The following TMC5 variants were observed in gnomAD, a reference collection of about 807,000 sequenced individuals.
TMC5 encodes transmembrane channel like 5.
TMC5 carries 86 observed loss-of-function variants against 110.5 expected under a neutral mutation model. The ratio of observed to expected loss-of-function variants is 0.78; its 90% CI spans 0.65 to 0.93. TMC5 has a LOEUF of 0.93. Ranked by LOEUF, TMC5 falls within the 40% of genes least tolerant of loss-of-function variation. The probability of loss-of-function intolerance (pLI) is 0.00; values close to 1 mark genes in which losing one functional copy is unlikely to be tolerated. For synonymous variants in TMC5, 455 were observed against 439.5 expected (o/e 1.04, Z -0.44); for missense variants, 1,144 against 1,222.8 (o/e 0.94, Z 0.96).
intron 4 of TMC5, 119 bp downstream of exon 4, chr16:19,444,369 A>G: frequency 1.1e-6 from 1 of 896,980 alleles, no homozygotes; most frequent in Non-Finnish European, 1.7e-6. Context: ...CCAATCTCAG[A>G]GACCCTTGTT....
chr16:19,458,180 A>G (rs941733465), intron 5 of TMC5, among the ~76,000 whole-genome samples: 13 of 152,082 alleles, frequency 8.5e-5, no homozygotes, highest in Non-Finnish European at 1.2e-4. Context: ...CCTGAGGCCA[A>G]TGGAGATGCT....
chr16:19,439,927 A>T, intron 2 of TMC5, 33 bp from the exon 3 acceptor site: 1 of 959,996 alleles, frequency 1.0e-6, no homozygotes, highest in Non-Finnish European at 1.6e-6. Context: ...AAGGGAAAAA[A>T]ATCTGACTTT....
chr16:19,474,003 GATAA>G (rs1353975060), intron 11 of TMC5, 118 bp from the exon 12 acceptor site: 1 of 921,134 alleles, frequency 1.1e-6, no homozygotes, highest in Non-Finnish European at 1.6e-6. Flanking sequence ...TAAATAAATA[GATAA>G]ATAGTTAACC....
At chr16:19,456,436 G>A (rs1011007873) in intron 5 of TMC5, 2 of 1,131,580 alleles carry the variant, frequency 1.8e-6, no homozygotes, top group Non-Finnish European at 2.2e-6. Context: ...TCGATTTCTT[G>A]CCTAGCTACC....
At chr16:19,470,893 G>A (rs1021231206) in intron 10 of TMC5, among the ~76,000 whole-genome samples, 13 of 151,792 alleles carry the variant, frequency 8.6e-5, no homozygotes, top group African/African-American at 2.7e-4. Context: ...AAAAGTAGCC[G>A]GGCGTGGTGG....
chr16:19,495,011 C>CTTTTTTTTTTTTTTTTT (rs56178955), intron 20 of TMC5, among the ~76,000 whole-genome samples: 5 of 40,488 alleles, frequency 1.2e-4, no homozygotes, highest in African/African-American at 4.7e-4. Context: ...AGTGTCTATT[C>CTTTTTTTTTTTTTTTTT]TTTTTTTTTT....
chr16:19,463,409 G>C (rs755213935), intron 7 of TMC5, 42 bp downstream of exon 7: 5 of 1,459,230 alleles, frequency 3.4e-6, no homozygotes, highest in South Asian at 1.1e-5. Context: ...TGAAAACAGG[G>C]AGGGAGGAGA....
chr16:19,488,729 C>G (rs1044216294), intron 17 of TMC5, among the ~76,000 whole-genome samples: 2 of 152,214 alleles, frequency 1.3e-5, no homozygotes, highest in African/African-American at 2.4e-5. Flanking sequence ...CTCTCTCAGA[C>G]CTGAGTTTCT....
intron 19 of TMC5, among the ~76,000 whole-genome samples, chr16:19,492,741 T>G (rs1388192210): frequency 1.3e-5 from 2 of 151,346 alleles, no homozygotes; most frequent in East Asian, 3.9e-4. Flanking sequence ...CCTTATTTTA[T>G]TTTTTTAGAG....
intron 5 of TMC5, among the ~76,000 whole-genome samples, chr16:19,459,403 G>A (rs571530703): frequency 6.6e-6 from 1 of 152,284 alleles, no homozygotes; most frequent in East Asian, 1.9e-4. Flanking sequence ...TAGGAAGGTG[G>A]AAGGGCATTC....
chr16:19,470,721 TAAAAAAAAAAAAAA>T (rs60087070), intron 10 of TMC5, among the ~76,000 whole-genome samples: 5 of 41,306 alleles, frequency 1.2e-4, no homozygotes, highest in African/African-American at 1.6e-4. Context: ...ACAAACTTAT[TAAAAAAAAAAAAAA>T]AAAAAAAAAA....
intron 1 of TMC5, among the ~76,000 whole-genome samples, chr16:19,429,901 A>G (rs1432209820): frequency 6.6e-6 from 1 of 152,014 alleles, no homozygotes; most frequent in Non-Finnish European, 1.5e-5. Context: ...ATGTTGCATT[A>G]GGTCCCACCC....
Position 19,436,288 on chromosome 16 carries a change from AGG to A in TMC5, c.-79-3671_-79-3670del, listed in dbSNP as rs140578426. On this transcript the variant is annotated intron_variant, in intron 2 of 21. Coordinates refer to ENST00000542583, the MANE Select transcript of TMC5 (RefSeq NM_001261841.2). ...GTCTCAAAAAGAAAAAAAAAAAGAAAGGAAAAAGAAAAAGAAAAACAGTTTCC... is the reference window on the plus strand; with the variant it reads ...GTCTCAAAAAGAAAAAAAAAAAGAAAAAAAAGAAAAAGAAAAACAGTTTCC... Among the ~76,000 whole-genome samples the A allele has an allele frequency of 7.3e-3, 1,077 of 146,838 alleles. 5 individuals carry two copies. The highest frequency in any genetic ancestry group is 0.022 in the Middle Eastern group (6 of 272).
chr16:19,472,206 G>A lies in TMC5; in HGVS notation c.1901G>A (p.Cys634Tyr), dbSNP rs1968361708. 6.2e-7 allele frequency: 1 copy of A among 1,614,164 alleles called. No homozygotes were observed. The highest frequency in any genetic ancestry group is 8.5e-7 in the Non-Finnish European group (1 of 1,180,034). The part of the protein sequence containing the change: ...VVSTGVAIAC[C>Y]AAVYYLAEYN... ...TCTACAGGAGTGGCCATAGCCTGCT[G>A]TGCAGCCGTTTATTACCTGGCTGAG... is the stretch of plus-strand genomic sequence containing the variant. The change falls in exon 11 of 22, where the codon TGT becomes TAT. Residue 634 changes from cysteine (C) to tyrosine (Y), a missense_variant. Coordinates refer to ENST00000542583, the MANE Select transcript of TMC5 (RefSeq NM_001261841.2).
chr16:19,427,517 A>AGT (rs370950249), intron 1 of TMC5, among the ~76,000 whole-genome samples: 28 of 152,264 alleles, frequency 1.8e-4, no homozygotes, highest in African/African-American at 6.0e-4. Flanking sequence ...CCATATTTGA[A>AGT]GTGTTCCATA....
At chr16:19,486,873 C>T in intron 15 of TMC5, 72 bp from the exon 16 acceptor site, 2 of 1,373,514 alleles carry the variant, frequency 1.5e-6, no homozygotes, top group East Asian at 2.3e-5. Context: ...CTCTTCCCCC[C>T]AACCATCCCA....
chr16:19,434,772 T>C (rs1018167438), intron 2 of TMC5, among the ~76,000 whole-genome samples: 12 of 152,158 alleles, frequency 7.9e-5, no homozygotes, highest in African/African-American at 2.9e-4. Context: ...ACTGCTTCCT[T>C]GATGTTGGCC....
intron 10 of TMC5, among the ~76,000 whole-genome samples, chr16:19,471,207 C>T (rs1311477599): frequency 6.6e-6 from 1 of 152,094 alleles, no homozygotes; most frequent in African/African-American, 2.4e-5. Context: ...TCTCCCACCT[C>T]AGCCTGCTGA....
At chr16:19,444,819 A>G (rs1726563485) in intron 4 of TMC5, among the ~76,000 whole-genome samples, 1 of 152,226 alleles carries the variant, frequency 6.6e-6, no homozygotes, top group South Asian at 2.1e-4. Context: ...TAAATAGGTC[A>G]ACAAAAGTGC....
Sources: gnomAD v4.1 joint callset for allele counts (sites outside exome capture counted in the v4.1 genomes callset) on GRCh38, gnomAD v4.1.1 for gene constraint, MANE v1.5 for transcripts, NCBI Gene and HGNC (gene_info 2026-07-23, HGNC 2026-07-21) for gene names.